PRDM5: variants seen among roughly 807,000 people sequenced by gnomAD.
PRDM5 encodes the protein PR/SET domain 5.
PRDM5 carries 56 observed loss-of-function variants against 81.2 expected under a neutral mutation model. The ratio of observed to expected loss-of-function variants is 0.69; its 90% CI spans 0.56 to 0.86. The LOEUF (loss-of-function observed/expected upper bound fraction) is 0.86. PRDM5 is among the 40% of genes least tolerant of loss of function. The pLI is 0.00. For synonymous variants in PRDM5, 267 were observed against 256.4 expected (o/e 1.04, Z -0.39); for missense variants, 697 against 770.1 (o/e 0.91, Z 1.12).
At chr4:120,913,834 G>A (rs888431424) in intron 1 of PRDM5, among the ~76,000 whole-genome samples, 3 of 152,130 alleles carry the variant, frequency 2.0e-5, no homozygotes, top group Non-Finnish European at 2.9e-5. Context: ...AGATGGAGGG[G>A]GTCACAGCCC....
chr4:120,787,868 A>G lies in PRDM5; in HGVS notation c.1189-2777T>C, dbSNP rs28477468. Among the ~76,000 whole-genome samples the G allele has an allele frequency of 7.8e-3, 1,193 of 152,314 alleles. 17 individuals are homozygous for G. The highest frequency in any genetic ancestry group is 0.027 in the African/African-American group (1,130 of 41,574). ...TCAAGTCTGGATAATAAGGTATAAG[A>G]TGGAGATGTCAGATTACATATGGTA... On this transcript the variant is annotated intron_variant, in intron 10 of 15. Coordinates refer to ENST00000264808, the MANE Select transcript of PRDM5 (RefSeq NM_018699.4).
At chr4:120,790,176 A>G (rs1372271213) in intron 10 of PRDM5, among the ~76,000 whole-genome samples, 1 of 152,202 alleles carries the variant, frequency 6.6e-6, no homozygotes, top group Non-Finnish European at 1.5e-5. Flanking sequence ...ATGACCTCCT[A>G]GGCTGGCTGA....
chr4:120,701,100 G>C (rs1051385119), intron 15 of PRDM5, among the ~76,000 whole-genome samples: 1 of 151,858 alleles, frequency 6.6e-6, no homozygotes, highest in Admixed American at 6.6e-5. Context: ...ACTCCAGCCT[G>C]GGCGACAGAG....
chr4:120,869,332 T>C (rs955734823), intron 2 of PRDM5, among the ~76,000 whole-genome samples: 2 of 152,222 alleles, frequency 1.3e-5, no homozygotes, highest in African/African-American at 4.8e-5. Context: ...ATGCATACTT[T>C]TTCAGCAGTG....
chr4:120,894,191 C>A (rs1764370201), intron 2 of PRDM5, among the ~76,000 whole-genome samples: 1 of 152,086 alleles, frequency 6.6e-6, no homozygotes, highest in Admixed American at 6.5e-5. Context: ...ATTTTAGTAT[C>A]ATTTTAGTTA....
rs3099889 is a variant in PRDM5 at position 120,863,195 on chromosome 4, C to T, written c.178-9655G>A. ...AAAAAAATATATATATATATATACACACACACACACACACACACACACACA... is the reference window on the plus strand; with the variant it reads ...AAAAAAATATATATATATATATACATACACACACACACACACACACACACA... On this transcript the variant is annotated intron_variant, in intron 2 of 15. Transcript: ENST00000264808. Among the ~76,000 whole-genome samples the T allele has an allele frequency of 8.4e-3, 1,060 of 126,084 alleles. 15 individuals are homozygous for T. The highest frequency in any genetic ancestry group is 0.031 in the African/African-American group (973 of 30,914). The allele number at this position is 126,084 out of a possible 152,430, so 82.7% of individuals were successfully genotyped here. A position where few individuals can be genotyped will look rare whatever the true frequency, so the allele number is the denominator to read the frequency against.
In PRDM5 at chr4:120,782,047, G is replaced by T. The variant is rs186675713; in HGVS notation, c.1283-744C>A. ...CAGAAAACATATATAGAAATCTTAT[G>T]GTACTTTCTAACTTTCATATAATGC... On this transcript the variant is annotated intron_variant, in intron 11 of 15. Transcript: ENST00000264808. 8.0e-3 allele frequency among the ~76,000 whole-genome samples: 1,222 copies of T among 152,188 alleles called. 7 individuals are homozygous for T. Among genetic ancestry groups the T allele is most frequent in the Non-Finnish European group, 0.013 (916 of 67,998 alleles).
intron 13 of PRDM5, 141 bp from the exon 14 acceptor site, chr4:120,754,779 C>A (rs1323905905): frequency 4.3e-6 from 3 of 699,424 alleles, no homozygotes; most frequent in South Asian, 1.5e-5. Context: ...CACAGCAGGG[C>A]AGATCCAAGC....
intron 3 of PRDM5, among the ~76,000 whole-genome samples, chr4:120,834,070 G>A (rs962571247): frequency 1.3e-5 from 2 of 152,076 alleles, no homozygotes; most frequent in African/African-American, 2.4e-5. Flanking sequence ...ATTTGTAAAC[G>A]ATCAGACTAA....
At chr4:120,703,529 G>C (rs1735679756) in intron 15 of PRDM5, among the ~76,000 whole-genome samples, 1 of 152,012 alleles carries the variant, frequency 6.6e-6, no homozygotes. Flanking sequence ...AAGAATGTGA[G>C]TTCTATGAGG....
At chr4:120,841,034 T>C (rs1474719040) in intron 3 of PRDM5, among the ~76,000 whole-genome samples, 2 of 152,330 alleles carry the variant, frequency 1.3e-5, no homozygotes, top group South Asian at 2.1e-4. Context: ...CCTCCTATCT[T>C]GCTGTAATTT....
In PRDM5 at chr4:120,692,938, T is replaced by C. The variant is rs2148980989; in HGVS notation, c.*2173A>G. 6.6e-6 allele frequency: 1 copy of C among 152,234 alleles called. No homozygotes were observed. Among genetic ancestry groups the C allele is most frequent in the East Asian group, 1.9e-4 (1 of 5,182 alleles). The allele number at this position is 152,234 out of a possible 1,614,324, so 9.4% of individuals were successfully genotyped here. On this transcript the variant is annotated 3_prime_UTR_variant, in exon 16 of 16. Transcript: ENST00000264808. ...TATATCTGAAACTACCCATGAATAC[T>C]TGTCTTTTGGATAAAAATTTACAGC... is the stretch of plus-strand genomic sequence containing the variant.
At chr4:120,733,252 T>C (rs1740526300) in intron 14 of PRDM5, among the ~76,000 whole-genome samples, 1 of 152,150 alleles carries the variant, frequency 6.6e-6, no homozygotes, top group Non-Finnish European at 1.5e-5. Flanking sequence ...CTTACTGTTA[T>C]CAACACAATC....
chr4:120,869,595 C>T (rs1761565103), intron 2 of PRDM5, among the ~76,000 whole-genome samples: 1 of 152,044 alleles, frequency 6.6e-6, no homozygotes, highest in South Asian at 2.1e-4. Context: ...TAATTTAGTA[C>T]ATAAAAACAA....
chr4:120,878,405 T>G (rs961913175), intron 2 of PRDM5, among the ~76,000 whole-genome samples: 5 of 152,160 alleles, frequency 3.3e-5, no homozygotes, highest in Non-Finnish European at 5.9e-5. Flanking sequence ...TCCACAAAAA[T>G]TAACTTTTCA....
chr4:120,863,175 A>AAT (rs1553997142), intron 2 of PRDM5, among the ~76,000 whole-genome samples: 1,462 of 60,550 alleles, frequency 0.024, 82 homozygotes, highest in African/African-American at 0.052. Flanking sequence ...AAAAAAAAAA[A>AAT]ATATATATAT....
intron 2 of PRDM5, among the ~76,000 whole-genome samples, chr4:120,856,042 T>C: frequency 6.6e-6 from 1 of 152,218 alleles, no homozygotes; most frequent in East Asian, 1.9e-4. Context: ...TTTGAGTTTT[T>C]ACCAGGGGCA....
intron 13 of PRDM5, chr4:120,762,739 G>T (rs60371752): frequency 2.6e-5 from 4 of 151,690 alleles, no homozygotes; most frequent in African/African-American, 9.7e-5. Flanking sequence ...TTTTTTCCCC[G>T]CAGCAAAAAG....
chr4:120,698,042 CT>C (rs1360230611), intron 15 of PRDM5, among the ~76,000 whole-genome samples: 3 of 151,712 alleles, frequency 2.0e-5, no homozygotes, highest in African/African-American at 4.8e-5. Flanking sequence ...TTTTATTTGT[CT>C]TCTTTTGTCT....
Sources: gnomAD v4.1 joint callset for allele counts (sites outside exome capture counted in the v4.1 genomes callset) on GRCh38, gnomAD v4.1.1 for gene constraint, MANE v1.5 for transcripts, NCBI Gene and HGNC (gene_info 2026-07-23, HGNC 2026-07-21) for gene names.